Variants in ARSB observed in about 807,000 individuals in gnomAD.
ARSB encodes the protein arylsulfatase B.
In ARSB, 41 loss-of-function variants were observed where a neutral mutation model predicts 50.9. That is an observed-to-expected ratio of 0.81 (90% CI 0.63 to 1.04). ARSB has a LOEUF of 1.04. Ranked by LOEUF, ARSB falls within the 50% of genes least tolerant of loss-of-function variation. The pLI is 0.00. For synonymous variants in ARSB, 269 were observed against 284.8 expected, an observed-to-expected ratio of 0.94 and a Z score of 0.56; for missense variants, 672 against 693.3, an observed-to-expected ratio of 0.97 and a Z score of 0.35.
In ARSB at chr5:78,825,931, C is replaced by T. The variant is rs76386542; in HGVS notation, c.1213+13425G>A. On this transcript the variant is annotated intron_variant, in intron 6 of 7. Coordinates refer to ENST00000264914, the MANE Select transcript of ARSB (RefSeq NM_000046.5). ...ATTAAGCCAAATCTAAGCTTTCTTA[C>T]GTCTCACTTTACAAACAAGCATTAG... Among the ~76,000 whole-genome samples the T allele has an allele frequency of 7.2e-5, 11 of 152,282 alleles. No individual in the cohort carries two copies. In the East Asian group the frequency reaches 1.5e-3, roughly 21 times the overall value.
intron 6 of ARSB, among the ~76,000 whole-genome samples, chr5:78,783,674 A>G (rs955468391): frequency 3.3e-5 from 5 of 152,192 alleles, no homozygotes; most frequent in Admixed American, 1.3e-4. Flanking sequence ...TTTACTCCTC[A>G]CAAGTTTGTA....
At chr5:78,825,804 G>T (rs1038175851) in intron 6 of ARSB, among the ~76,000 whole-genome samples, 1 of 152,078 alleles carries the variant, frequency 6.6e-6, no homozygotes, top group Non-Finnish European at 1.5e-5. Context: ...GATCTGAAAT[G>T]AATATAAATA....
chr5:78,865,283 A>G (rs1174400063), intron 5 of ARSB, among the ~76,000 whole-genome samples: 1 of 152,202 alleles, frequency 6.6e-6, no homozygotes, highest in African/African-American at 2.4e-5. Context: ...ACTTCTGTGC[A>G]CTGGCAGGCT....
intron 4 of ARSB, among the ~76,000 whole-genome samples, chr5:78,938,840 CTGCAATAAATTGCTCTATT>C (rs1175067751): frequency 1.3e-5 from 2 of 152,216 alleles, no homozygotes; most frequent in Non-Finnish European, 2.9e-5. Flanking sequence ...AGTTTAGACT[CTGCAATAAATTGCTCTATT>C]TGTCTAAGTA....
chr5:78,805,910 C>A (rs960810588), intron 6 of ARSB, among the ~76,000 whole-genome samples: 9 of 152,316 alleles, frequency 5.9e-5, no homozygotes, highest in African/African-American at 2.2e-4. Context: ...CAGGGAGAGG[C>A]ACTGTGAGCT....
chr5:78,802,732 C>T (rs1743437203), intron 6 of ARSB, among the ~76,000 whole-genome samples: 1 of 152,204 alleles, frequency 6.6e-6, no homozygotes, highest in African/African-American at 2.4e-5. Flanking sequence ...ATCATCTAAC[C>T]TGTTCTCCCC....
At chr5:78,908,558 G>A (rs995915827) in intron 4 of ARSB, among the ~76,000 whole-genome samples, 1 of 152,108 alleles carries the variant, frequency 6.6e-6, no homozygotes, top group African/African-American at 2.4e-5. Context: ...GCTCTGTGCG[G>A]GCAGCCTGGC....
At chr5:78,853,610 G>C (rs1745970529) in intron 5 of ARSB, among the ~76,000 whole-genome samples, 1 of 152,234 alleles carries the variant, frequency 6.6e-6, no homozygotes, top group Non-Finnish European at 1.5e-5. Flanking sequence ...GGATATTTAA[G>C]TCTGCAGATG....
At chr5:78,861,516 T>G (rs1379203008) in intron 5 of ARSB, among the ~76,000 whole-genome samples, 1 of 152,150 alleles carries the variant, frequency 6.6e-6, no homozygotes, top group Non-Finnish European at 1.5e-5. Flanking sequence ...AAAAACTGTA[T>G]GATTATCTCA....
At chr5:78,917,817 G>A (rs1460128515) in intron 4 of ARSB, among the ~76,000 whole-genome samples, 2 of 152,166 alleles carry the variant, frequency 1.3e-5, no homozygotes, top group Non-Finnish European at 2.9e-5. Context: ...CCAGCCTGCA[G>A]TTATGTTTAA....
chr5:78,947,434 G>GA (rs1006652206), intron 4 of ARSB, among the ~76,000 whole-genome samples: 4 of 151,712 alleles, frequency 2.6e-5, no homozygotes, highest in East Asian at 1.9e-4. Context: ...ACTCTATGGG[G>GA]AAAAAAAATC....
At chr5:78,980,420 ATTCT>A (rs1411643971) in intron 1 of ARSB, among the ~76,000 whole-genome samples, 20 of 152,358 alleles carry the variant, frequency 1.3e-4, no homozygotes, top group African/African-American at 4.8e-4. Context: ...TCACTTCACC[ATTCT>A]TTGATATATC....
chr5:78,864,491 C>T (rs1220800093), intron 5 of ARSB, among the ~76,000 whole-genome samples: 1 of 152,168 alleles, frequency 6.6e-6, no homozygotes, highest in Non-Finnish European at 1.5e-5. Flanking sequence ...TCCCATGACA[C>T]ATGAGAATTA....
intron 6 of ARSB, among the ~76,000 whole-genome samples, chr5:78,832,979 C>T (rs10942868): frequency 0.2 from 30,747 of 152,084 alleles, 3,879 homozygotes; most frequent in Non-Finnish European, 0.27. Context: ...CAAAGTGAGT[C>T]GTGGTCTCAG....
Position 78,781,957 on chromosome 5 carries a change from C to G in ARSB, c.1231G>C (p.Ala411Pro), listed in dbSNP as rs886060797. 3.7e-6 allele frequency: 6 copies of G among 1,614,058 alleles called. No homozygotes were observed. The highest frequency in any genetic ancestry group is 5.1e-6 in the Non-Finnish European group (6 of 1,179,950). ...AGAGAAGAGTCATCCTTTGCTGGAG[C>G]CATGCTGTTCCTGGGACCTGGGAAG... The part of the protein sequence containing the change: ...DSSPCPRNSM[A>P]PAKDDSSLPE... The change falls in exon 7 of 8, where the codon GCT (alanine) becomes CCT (proline). Residue 411 changes from alanine (A) to proline (P), a missense_variant. Physicochemically the swap from Ala to Pro is conservative, Grantham distance 27. Coordinates refer to ENST00000264914, the MANE Select transcript of ARSB (RefSeq NM_000046.5).
chr5:78,928,602 C>T (rs530991909), intron 4 of ARSB, among the ~76,000 whole-genome samples: 24 of 152,244 alleles, frequency 1.6e-4, no homozygotes, highest in African/African-American at 4.8e-4. Flanking sequence ...AGGCGTGAGC[C>T]GCCATGCCCG....
chr5:78,959,110 T>G (rs888510905), intron 3 of ARSB, among the ~76,000 whole-genome samples: 4 of 152,044 alleles, frequency 2.6e-5, no homozygotes, highest in Non-Finnish European at 5.9e-5. Context: ...ATCATGGGGG[T>G]GGTTACCCCC....
At chr5:78,877,578 G>A (rs930094918) in intron 5 of ARSB, among the ~76,000 whole-genome samples, 14 of 151,976 alleles carry the variant, frequency 9.2e-5, no homozygotes, top group African/African-American at 2.9e-4. Flanking sequence ...TATTAGAGAC[G>A]GGGTTTCACC....
chr5:78,948,444 A>C (rs1409304163), intron 4 of ARSB, among the ~76,000 whole-genome samples: 2 of 152,166 alleles, frequency 1.3e-5, no homozygotes, highest in South Asian at 2.1e-4. Context: ...TACCCATAAA[A>C]ATAAAAAATA....
Sources: gnomAD v4.1 joint callset for allele counts (sites outside exome capture counted in the v4.1 genomes callset) on GRCh38, gnomAD v4.1.1 for gene constraint, MANE v1.5 for transcripts, NCBI Gene and HGNC (gene_info 2026-07-23, HGNC 2026-07-21) for gene names.